ULK4: variants seen among roughly 807,000 people sequenced by gnomAD.
ULK4 encodes unc-51 like kinase 4, also known as inactive serine/threonine-protein kinase ULK4.
A neutral mutation model predicts 160.6 loss-of-function variants in ULK4; 133 were observed. The ratio of observed to expected loss-of-function variants is 0.83; its 90% CI spans 0.72 to 0.96. The LOEUF is 0.96. Among genes scored for constraint, ULK4 ranks in the 40% least tolerant of loss-of-function variants. The probability of loss-of-function intolerance (pLI) is 0.00; values close to 1 mark genes in which losing one functional copy is unlikely to be tolerated. For missense variants in ULK4, 1,580 were observed against 1,499.5 expected (o/e 1.05, Z -0.89); for synonymous variants, 534 against 539.8 (o/e 0.99, Z 0.15).
At chr3:41,357,390 C>A (rs780356494) in intron 35 of ULK4, among the ~76,000 whole-genome samples, 1 of 152,114 alleles carries the variant, frequency 6.6e-6, no homozygotes, top group Non-Finnish European at 1.5e-5. Flanking sequence ...AGGATGTGTT[C>A]ATGGCGTGTG....
Position 41,754,367 on chromosome 3 carries a change from T to C in ULK4, c.2315A>G (p.Gln772Arg), listed in dbSNP as rs762923138. 6.2e-7 allele frequency: 1 copy of C among 1,609,372 alleles called. No homozygotes were observed. The highest frequency in any genetic ancestry group is 8.5e-7 in the Non-Finnish European group (1 of 1,178,636). The change falls in exon 22 of 37, where the codon CAA (glutamine) becomes CGA (arginine). Residue 772 changes from glutamine (Q) to arginine (R), a missense_variant. By Grantham distance (43) the Gln-to-Arg change is conservative (BLOSUM62 1). Coordinates refer to ENST00000301831, the MANE Select transcript of ULK4 (RefSeq NM_017886.4). ...YNREMLLLSC[Q>R]ARLVMYIERD... ...CCATCAGAGAAAATCTTACCTTGCT[T>C]GGCAACTGAGCAGCAACATCTCACG...
intron 20 of ULK4, among the ~76,000 whole-genome samples, chr3:41,796,315 G>C (rs1366383528): frequency 1.3e-5 from 2 of 151,872 alleles, no homozygotes; most frequent in African/African-American, 4.8e-5. Context: ...ACTAGACCAG[G>C]CGTGGTGGCT....
intron 32 of ULK4, among the ~76,000 whole-genome samples, chr3:41,481,671 C>CA (rs1169290282): frequency 3.8e-4 from 58 of 150,986 alleles, no homozygotes; most frequent in African/African-American, 1.3e-3. Flanking sequence ...ACTAAAAATA[C>CA]AAAAAATTAG....
At chr3:41,817,090 G>GTT (rs1017828702) in intron 19 of ULK4, among the ~76,000 whole-genome samples, 1 of 151,594 alleles carries the variant, frequency 6.6e-6, no homozygotes, top group East Asian at 1.9e-4. Context: ...GTGTGTGTGT[G>GTT]TACTCACGCA....
At chr3:41,871,511 C>T (rs906649836) in intron 17 of ULK4, among the ~76,000 whole-genome samples, 1 of 152,180 alleles carries the variant, frequency 6.6e-6, no homozygotes, top group African/African-American at 2.4e-5. Context: ...TTTCAGCATC[C>T]TTGACAGCAC....
intron 22 of ULK4, among the ~76,000 whole-genome samples, chr3:41,728,515 A>G (rs1575615113): frequency 6.6e-6 from 1 of 152,198 alleles, no homozygotes; most frequent in East Asian, 1.9e-4. Flanking sequence ...AGCACCTGCC[A>G]GAAGCACCAC....
At chr3:41,506,764 T>TAAAAAAAAAAAAAA (rs200785051) in intron 32 of ULK4, among the ~76,000 whole-genome samples, 364 of 19,904 alleles carry the variant, frequency 0.018, 55 homozygotes, top group African/African-American at 0.026. Context: ...GAGTGTGATT[T>TAAAAAAAAAAAAAA]AAAATATATA....
At chr3:41,372,611 G>C (rs2081392668) in intron 35 of ULK4, among the ~76,000 whole-genome samples, 1 of 152,130 alleles carries the variant, frequency 6.6e-6, no homozygotes, top group South Asian at 2.1e-4. Context: ...GTCACCACCA[G>C]GCCTGCCTTA....
intron 35 of ULK4, among the ~76,000 whole-genome samples, chr3:41,262,206 G>T (rs1040014935): frequency 1.3e-5 from 2 of 152,226 alleles, no homozygotes; most frequent in African/African-American, 4.8e-5. Context: ...AACTGGGGAA[G>T]CCGGGAGTTG....
At chr3:41,700,987 G>A (rs1334397064) in intron 27 of ULK4, among the ~76,000 whole-genome samples, 2 of 151,914 alleles carry the variant, frequency 1.3e-5, no homozygotes, top group Non-Finnish European at 2.9e-5. Context: ...GGCAGCAGAA[G>A]GGGCATAGTA....
intron 2 of ULK4, among the ~76,000 whole-genome samples, chr3:41,953,721 A>G (rs1015156373): frequency 4.6e-5 from 7 of 152,030 alleles, no homozygotes; most frequent in African/African-American, 1.7e-4. Context: ...TCCTAAATAC[A>G]CCAAATTCAA....
chr3:41,912,338 A>C (rs1698818880), intron 9 of ULK4, among the ~76,000 whole-genome samples: 1 of 151,938 alleles, frequency 6.6e-6, no homozygotes, highest in South Asian at 2.1e-4. Flanking sequence ...CAAAAAAAAA[A>C]AAAAAAAAAA....
chr3:41,288,494 G>A (rs2079503969), intron 35 of ULK4, among the ~76,000 whole-genome samples: 1 of 152,122 alleles, frequency 6.6e-6, no homozygotes, highest in African/African-American at 2.4e-5. Context: ...GTTACATCTT[G>A]GTCTGACTCT....
At chr3:41,912,328 CAAA>C (rs1223106095) in intron 9 of ULK4, among the ~76,000 whole-genome samples, 5 of 88,242 alleles carry the variant, frequency 5.7e-5, no homozygotes, top group Admixed American at 1.3e-4. Flanking sequence ...GACGTTGTCT[CAAA>C]AAAAAAAAAA....
chr3:41,429,093 A>G (rs1047853282), intron 34 of ULK4, among the ~76,000 whole-genome samples: 1 of 152,148 alleles, frequency 6.6e-6, no homozygotes, highest in East Asian at 1.9e-4. Context: ...GGGAAAAAAC[A>G]TAAACAGACA....
At chr3:41,685,248 G>C (rs1181428650) in intron 27 of ULK4, among the ~76,000 whole-genome samples, 3 of 152,150 alleles carry the variant, frequency 2.0e-5, no homozygotes, top group Non-Finnish European at 4.4e-5. Context: ...TGTTCAGCAG[G>C]AAGTAGCTTC....
At chr3:41,703,872 ACAC>A (rs1388245070) in intron 27 of ULK4, among the ~76,000 whole-genome samples, 14 of 134,862 alleles carry the variant, frequency 1.0e-4, no homozygotes, top group South Asian at 2.3e-4. Context: ...ACACACACAC[ACAC>A]AAGTTAACTG....
At chr3:41,697,824 G>A (rs966987178) in intron 27 of ULK4, among the ~76,000 whole-genome samples, 1 of 152,174 alleles carries the variant, frequency 6.6e-6, no homozygotes, top group African/African-American at 2.4e-5. Flanking sequence ...TGTAACTTAA[G>A]TGAACAGTGT....
intron 29 of ULK4, among the ~76,000 whole-genome samples, chr3:41,676,395 A>G (rs2035715232): frequency 6.6e-6 from 1 of 152,198 alleles, no homozygotes; most frequent in Non-Finnish European, 1.5e-5. Flanking sequence ...CTGTCCTAAG[A>G]GCACAGTGTT....
Sources: allele counts gnomAD v4.1 joint callset (sites outside exome capture counted in the v4.1 genomes callset), GRCh38; gene constraint gnomAD v4.1.1; transcripts MANE v1.5; gene names NCBI Gene and HGNC (gene_info 2026-07-23, HGNC 2026-07-21).